The following ZNRF3 variants were observed in gnomAD, a reference collection of about 807,000 sequenced individuals.
The protein encoded by ZNRF3 is zinc and ring finger 3.
Under a neutral mutation model 72.5 loss-of-function variants are expected in ZNRF3, and 23 were observed. The ratio of observed to expected loss-of-function variants is 0.32; its 90% CI spans 0.23 to 0.45. The LOEUF (loss-of-function observed/expected upper bound fraction) is 0.45. Ranked by LOEUF, ZNRF3 falls within the 20% of genes least tolerant of loss-of-function variation. ZNRF3 has a pLI of 1.00. For synonymous variants in ZNRF3, 610 were observed against 545.3 expected, an observed-to-expected ratio of 1.12 and a Z score of -1.65; for missense variants, 1,169 against 1,272.1, an observed-to-expected ratio of 0.92 and a Z score of 1.23.
chr22:29,040,529 A>G (rs934706578), intron 2 of ZNRF3, among the ~76,000 whole-genome samples: 1 of 151,726 alleles, frequency 6.6e-6, no homozygotes, highest in East Asian at 1.9e-4. Flanking sequence ...ACTGAGGCTG[A>G]GGCTGAAAGC....
At chr22:28,886,930 T>TGGA (rs2033798684) in intron 1 of ZNRF3, among the ~76,000 whole-genome samples, 1 of 152,134 alleles carries the variant, frequency 6.6e-6, no homozygotes, top group South Asian at 2.1e-4. Flanking sequence ...TACTCCAGCC[T>TGGA]GGACAACAGA....
At chr22:28,939,456 G>A (rs770071977) in intron 1 of ZNRF3, among the ~76,000 whole-genome samples, 12 of 152,268 alleles carry the variant, frequency 7.9e-5, no homozygotes, top group Middle Eastern at 3.4e-3. Flanking sequence ...TTGCTGAGTT[G>A]AAACCTGCCT....
chr22:28,932,088 A>T (rs1192042423), intron 1 of ZNRF3, among the ~76,000 whole-genome samples: 1 of 152,170 alleles, frequency 6.6e-6, no homozygotes, highest in African/African-American at 2.4e-5. Flanking sequence ...TTAGATGATA[A>T]CCTTACTCTG....
chr22:28,886,330 T>C (rs965239059), intron 1 of ZNRF3, among the ~76,000 whole-genome samples: 1 of 152,232 alleles, frequency 6.6e-6, no homozygotes, highest in Non-Finnish European at 1.5e-5. Context: ...AATATAACAT[T>C]TTCTTTTGGT....
At chr22:28,909,069 T>G (rs945613615) in intron 1 of ZNRF3, among the ~76,000 whole-genome samples, 9 of 152,054 alleles carry the variant, frequency 5.9e-5, no homozygotes, top group Middle Eastern at 3.4e-3. Flanking sequence ...CTAATTTTTT[T>G]TGTGTGTGTG....
chr22:28,883,870 CGCCGCT>C lies in ZNRF3; in HGVS notation c.113_118del (p.Pro38_Leu39del). On this transcript the variant is annotated inframe_deletion, in exon 1 of 9. Transcript: ENST00000544604. This position sits in a 1 kb window ranked among gnomAD's most constrained non-coding sequence, Gnocchi z 5.5. ...CGGTGCAGCCGCCTGCCGCCGCCGC[CGCCGCT>C]GCCGCTGCTGCTCGGGCTGCTGCTG... 2 of 1,010,364 alleles carry C rather than the reference CGCCGCT, an allele frequency of 2.0e-6. No individual in the cohort carries two copies. The highest frequency in any genetic ancestry group is 2.4e-6 in the Non-Finnish European group (2 of 851,038). 62.6% of individuals were successfully genotyped at this position (1,010,364 alleles called of 1,614,324 possible).
rs764366281 is a variant in ZNRF3, at chr22:28,905,420, GCT to G, written c.300+21357_300+21358del. On this transcript the variant is annotated intron_variant, in intron 1 of 8. Coordinates refer to ENST00000544604, the MANE Select transcript of ZNRF3 (RefSeq NM_001206998.2). The stretch of plus-strand genomic sequence containing the variant: ...GATCATTTCAGGCTTGCTCTGTTTG[GCT>G]CTGTTAGACTTCTTGGCTGAAAATA... Among the ~76,000 whole-genome samples, 14 of 152,266 alleles carry G rather than the reference GCT, an allele frequency of 9.2e-5. No homozygotes were observed. The East Asian group carries it at 9.6e-4, about 10-fold the overall frequency.
chr22:29,004,469 A>G (rs2036204189), intron 2 of ZNRF3, among the ~76,000 whole-genome samples: 1 of 152,204 alleles, frequency 6.6e-6, no homozygotes, highest in Non-Finnish European at 1.5e-5. Context: ...CTATGAAAGA[A>G]GACCCAAAAG....
rs1455630610 is a variant in ZNRF3 at position 29,049,366 on chromosome 22, C to T, written c.1185C>T (p.Thr395=). ...TSMDSHGNPV[T]LLTMDRHGEQ... The stretch of plus-strand genomic sequence containing the variant: ...TGGACTCCCACGGCAACCCCGTCAC[C>T]TTGCTGACCATGGACCGGCACGGGG... The change falls in exon 8 of 9, where the codon ACC becomes ACT. Residue 395 remains threonine, a synonymous_variant. Coordinates refer to ENST00000544604, the MANE Select transcript of ZNRF3 (RefSeq NM_001206998.2). The surrounding 1 kb of genome is among the most constrained non-coding windows in gnomAD (Gnocchi z 5.2). 11 of 1,613,322 alleles carry T rather than the reference C, an allele frequency of 6.8e-6. No homozygotes were observed. Among genetic ancestry groups the T allele is most frequent in the South Asian group, 6.6e-5 (6 of 91,082 alleles).
At chr22:28,974,654 T>C (rs1002287812) in intron 1 of ZNRF3, among the ~76,000 whole-genome samples, 1 of 152,232 alleles carries the variant, frequency 6.6e-6, no homozygotes, top group African/African-American at 2.4e-5. Flanking sequence ...TTTTATTTAT[T>C]TTTATTTTTT....
intron 2 of ZNRF3, among the ~76,000 whole-genome samples, chr22:29,031,945 T>C (rs1428073018): frequency 6.6e-6 from 1 of 152,230 alleles, no homozygotes; most frequent in Non-Finnish European, 1.5e-5. Context: ...TATGCTTAAG[T>C]CTCTTGTTAC....
chr22:29,006,984 A>G (rs1446399610), intron 2 of ZNRF3, among the ~76,000 whole-genome samples: 1 of 152,280 alleles, frequency 6.6e-6, no homozygotes, highest in African/African-American at 2.4e-5. Context: ...GCTGGCTACC[A>G]TAAAACAGGT....
rs754600416 is a variant in ZNRF3, at chr22:29,050,035, G to C, written c.1854G>C (p.Arg618=). ...SEAGGSGSSG[R]GPALCFEGSP... is the part of the protein sequence containing the mutation. Reference sequence around the variant, plus strand: ...CGGGGGGCTCGGGCAGCTCGGGCCGGGGACCTGCCCTGTGCTTCGAGGGCT... The same window carrying C: ...CGGGGGGCTCGGGCAGCTCGGGCCGCGGACCTGCCCTGTGCTTCGAGGGCT... The change falls in exon 8 of 9, where the codon CGG becomes CGC. Residue 618 remains arginine, a synonymous_variant. Coordinates refer to ENST00000544604, the MANE Select transcript of ZNRF3 (RefSeq NM_001206998.2). 6.2e-7 allele frequency: 1 copy of C among 1,609,878 alleles called. No homozygotes were observed. Among genetic ancestry groups the C allele is most frequent in the East Asian group, 2.2e-5 (1 of 44,846 alleles).
chr22:28,966,599 G>A (rs1420275526), intron 1 of ZNRF3, among the ~76,000 whole-genome samples: 1 of 151,832 alleles, frequency 6.6e-6, no homozygotes, highest in African/African-American at 2.4e-5. Flanking sequence ...GCTAATGTGT[G>A]TGTCTTAATT....
chr22:28,976,001 A>G (rs1168091129), intron 1 of ZNRF3, among the ~76,000 whole-genome samples: 1 of 152,148 alleles, frequency 6.6e-6, no homozygotes, highest in Non-Finnish European at 1.5e-5. Context: ...AGTTGCATAT[A>G]TCCCTTAACT....
intron 1 of ZNRF3, among the ~76,000 whole-genome samples, chr22:28,968,535 C>T (rs2035515217): frequency 6.6e-6 from 1 of 151,950 alleles, no homozygotes; most frequent in African/African-American, 2.4e-5. Context: ...CATGGTGAAA[C>T]CCTGTCTCTA....
intron 1 of ZNRF3, among the ~76,000 whole-genome samples, chr22:28,948,191 G>A (rs2035089526): frequency 6.7e-6 from 1 of 150,216 alleles, no homozygotes; most frequent in South Asian, 2.1e-4. Flanking sequence ...AAAAGATGTG[G>A]TCCTGCTCTG....
intron 2 of ZNRF3, among the ~76,000 whole-genome samples, chr22:29,020,779 GTGT>G (rs1569284241): frequency 1.6e-5 from 2 of 127,752 alleles, no homozygotes; most frequent in Non-Finnish European, 3.2e-5. Context: ...GTGTGTGGGT[GTGT>G]GTGTGTGTGT....
chr22:29,013,881 G>T (rs1361221393), intron 2 of ZNRF3, among the ~76,000 whole-genome samples: 1 of 152,206 alleles, frequency 6.6e-6, no homozygotes. Flanking sequence ...GGCACTGGAT[G>T]GGGCAGGCGT....
Sources: allele counts gnomAD v4.1 joint callset (sites outside exome capture counted in the v4.1 genomes callset), GRCh38; gene constraint gnomAD v4.1.1; non-coding constraint Gnocchi (gnomAD v3.1); transcripts MANE v1.5; gene names NCBI Gene and HGNC (gene_info 2026-07-23, HGNC 2026-07-21).